CFAP299: variants seen among roughly 807,000 people sequenced by gnomAD.
CFAP299 encodes the protein cilia and flagella associated protein 299.
A neutral mutation model predicts 27.0 loss-of-function variants in CFAP299; 21 were observed. That is an observed-to-expected ratio of 0.78 (90% CI 0.55 to 1.12). The LOEUF (loss-of-function observed/expected upper bound fraction) is 1.12. CFAP299 is among the 50% of genes most tolerant of loss of function. The pLI is 0.00. For synonymous variants in CFAP299, 104 were observed against 98.1 expected (o/e 1.06, Z -0.36); for missense variants, 310 against 276.6 (o/e 1.12, Z -0.86).
chr4:80,789,156 T>C (rs1420769569), intron 3 of CFAP299, among the ~76,000 whole-genome samples: 3 of 146,108 alleles, frequency 2.1e-5, no homozygotes, highest in Non-Finnish European at 1.5e-5. Flanking sequence ...GAAATAGAGG[T>C]GAATAGCTGT....
intron 3 of CFAP299, among the ~76,000 whole-genome samples, chr4:80,735,853 G>GT (rs1456802211): frequency 1.3e-5 from 2 of 152,130 alleles, no homozygotes; most frequent in African/African-American, 2.4e-5. Context: ...TTTTGTTGAG[G>GT]TTTTTTACAT....
At chr4:80,810,633 A>G (rs1263717337) in intron 3 of CFAP299, among the ~76,000 whole-genome samples, 1 of 152,086 alleles carries the variant, frequency 6.6e-6, no homozygotes, top group Non-Finnish European at 1.5e-5. Flanking sequence ...AAGCTAGGAT[A>G]AAAGCAGGGA....
chr4:80,675,167 A>G (rs1345416246), intron 3 of CFAP299, among the ~76,000 whole-genome samples: 1 of 152,122 alleles, frequency 6.6e-6, no homozygotes, highest in Non-Finnish European at 1.5e-5. Context: ...GGTTTTATCT[A>G]TCTTTGGTCT....
chr4:80,824,385 C>A (rs1729870548), intron 3 of CFAP299, among the ~76,000 whole-genome samples: 1 of 152,150 alleles, frequency 6.6e-6, no homozygotes, highest in Admixed American at 6.6e-5. Context: ...GCAAAAAGAA[C>A]CTTGTTCTTC....
At chr4:80,615,481 T>C (rs1738223144) in intron 3 of CFAP299, among the ~76,000 whole-genome samples, 1 of 152,178 alleles carries the variant, frequency 6.6e-6, no homozygotes, top group Admixed American at 6.5e-5. Context: ...CTACTTTGGA[T>C]TAGAAAGCTT....
chr4:80,679,924 G>A (rs1294386726), intron 3 of CFAP299, among the ~76,000 whole-genome samples: 6 of 151,902 alleles, frequency 3.9e-5, no homozygotes, highest in Non-Finnish European at 8.8e-5. Flanking sequence ...ATGTTTCATA[G>A]AGGAAAAGTT....
intron 2 of CFAP299, among the ~76,000 whole-genome samples, chr4:80,399,168 G>A (rs896874269): frequency 2.0e-5 from 3 of 152,100 alleles, no homozygotes; most frequent in South Asian, 2.1e-4. Flanking sequence ...TTAGAATGGC[G>A]ATCATTAAAA....
intron 2 of CFAP299, among the ~76,000 whole-genome samples, chr4:80,560,850 G>T (rs758891172): frequency 2.0e-5 from 3 of 152,092 alleles, no homozygotes; most frequent in Non-Finnish European, 2.9e-5. Context: ...CTTGACTCCT[G>T]GATGGTGTTT....
intron 2 of CFAP299, among the ~76,000 whole-genome samples, chr4:80,441,585 C>G (rs1282072139): frequency 1.3e-5 from 2 of 152,158 alleles, no homozygotes. Flanking sequence ...AAACCATTAC[C>G]AGCCACTGCA....
intron 2 of CFAP299, among the ~76,000 whole-genome samples, chr4:80,497,162 G>C (rs906350019): frequency 6.6e-6 from 1 of 152,072 alleles, no homozygotes; most frequent in African/African-American, 2.4e-5. Context: ...CCTAACTACT[G>C]GGGTGGCAGA....
intron 3 of CFAP299, among the ~76,000 whole-genome samples, chr4:80,844,371 T>C (rs138380883): frequency 6.6e-6 from 1 of 152,120 alleles, no homozygotes; most frequent in Non-Finnish European, 1.5e-5. Flanking sequence ...GTCCCACCAA[T>C]AGTGTAAAAG....
At chr4:80,594,152 A>G (rs1461066924) in intron 3 of CFAP299, among the ~76,000 whole-genome samples, 2 of 152,164 alleles carry the variant, frequency 1.3e-5, no homozygotes, top group Non-Finnish European at 2.9e-5. Flanking sequence ...AGACTGGGTA[A>G]TTTATAAAGG....
chr4:80,377,169 C>T (rs918051629), intron 2 of CFAP299, among the ~76,000 whole-genome samples: 10 of 151,964 alleles, frequency 6.6e-5, no homozygotes, highest in African/African-American at 1.9e-4. Context: ...TGTATTTCTG[C>T]GTGTCCTATG....
chr4:80,432,333 A>G (rs1727857469), intron 2 of CFAP299, among the ~76,000 whole-genome samples: 2 of 151,618 alleles, frequency 1.3e-5, no homozygotes, highest in Non-Finnish European at 1.5e-5. Flanking sequence ...TGTATTTTTT[A>G]GTAGAGACGG....
At chr4:80,326,495 C>A in the CFAP299 span, among the ~76,000 whole-genome samples, 1 of 152,146 alleles carries the variant, frequency 6.6e-6, no homozygotes, top group African/African-American at 2.4e-5. Context: ...GGGGCATAGT[C>A]GCTACAGTGG....
intron 2 of CFAP299, among the ~76,000 whole-genome samples, chr4:80,488,162 G>C (rs565493186): frequency 6.6e-6 from 1 of 152,308 alleles, no homozygotes; most frequent in South Asian, 2.1e-4. Flanking sequence ...GAATGTTAAA[G>C]TACATTAAGC....
At chr4:80,661,074 C>G (rs557039135) in intron 3 of CFAP299, among the ~76,000 whole-genome samples, 4 of 152,138 alleles carry the variant, frequency 2.6e-5, no homozygotes, top group South Asian at 4.2e-4. Context: ...ACCTGTAATC[C>G]CAGCACTTTG....
intron 2 of CFAP299, among the ~76,000 whole-genome samples, chr4:80,492,272 G>A (rs988989914): frequency 4.6e-5 from 7 of 152,122 alleles, no homozygotes; most frequent in South Asian, 2.1e-4. Context: ...TTCTCAGGAC[G>A]GACTTCCTGA....
At chr4:80,901,348 G>A (rs1185357028) in intron 4 of CFAP299, among the ~76,000 whole-genome samples, 2 of 152,072 alleles carry the variant, frequency 1.3e-5, no homozygotes, top group East Asian at 3.9e-4. Context: ...GCAGCTCCCA[G>A]GATCTGCTAG....
Sources: allele counts gnomAD v4.1 joint callset (sites outside exome capture counted in the v4.1 genomes callset), GRCh38; gene constraint gnomAD v4.1.1; transcripts MANE v1.5; gene names NCBI Gene and HGNC (gene_info 2026-07-23, HGNC 2026-07-21).